The following BDP1 variants were observed in gnomAD, a reference collection of about 807,000 sequenced individuals.
BDP1 encodes the protein transcription factor TFIIIB component B'' homolog.
BDP1 carries 169 observed loss-of-function variants against 266.6 expected under a neutral mutation model. The observed-to-expected ratio is 0.63, with a 90% CI of 0.56 to 0.72. The LOEUF (loss-of-function observed/expected upper bound fraction) is 0.72, where lower values mean the gene tolerates loss of function less well. BDP1 is among the 30% of genes least tolerant of loss of function. The pLI, the probability that BDP1 is intolerant of heterozygous loss-of-function variation, is 0.00. For synonymous variants in BDP1, 1,090 were observed against 1,022.4 expected (o/e 1.07, Z -1.26); for missense variants, 3,015 against 3,053.8 (o/e 0.99, Z 0.30).
rs1455859529 is a variant in BDP1 at position 71,536,673 on chromosome 5, T to C, written c.5893-2369T>C. On this transcript the variant is annotated intron_variant, in intron 26 of 38. Transcript: ENST00000358731. Reference sequence around the variant, plus strand: ...AGACTCTGTCTCTACAAATATGTTTTTTAAAAGTTGGCCAGTCATGGTGGC... The same window carrying C: ...AGACTCTGTCTCTACAAATATGTTTCTTAAAAGTTGGCCAGTCATGGTGGC... Among the ~76,000 whole-genome samples the C allele has an allele frequency of 2.6e-5, 4 of 152,068 alleles. No homozygotes were observed. In the East Asian group the frequency reaches 5.8e-4, roughly 22 times the overall value.
At chr5:71,517,037 T>C (rs1765259665) in intron 21 of BDP1, among the ~76,000 whole-genome samples, 1 of 152,318 alleles carries the variant, frequency 6.6e-6, no homozygotes, top group Admixed American at 6.5e-5. Flanking sequence ...GGCAACAGAA[T>C]GTGAACATTA....
At chr5:71,462,287 G>A (rs1031132247) in intron 3 of BDP1, among the ~76,000 whole-genome samples, 1 of 152,032 alleles carries the variant, frequency 6.6e-6, no homozygotes, top group Non-Finnish European at 1.5e-5. Flanking sequence ...ATTTGGGTAT[G>A]TAGTTATATA....
intron 9 of BDP1, among the ~76,000 whole-genome samples, chr5:71,488,431 CTT>C (rs536505055): frequency 1.5e-5 from 2 of 131,362 alleles, no homozygotes; most frequent in Admixed American, 7.7e-5. Flanking sequence ...CCAGCCAGAA[CTT>C]TTTTTTTTTT....
intron 36 of BDP1, among the ~76,000 whole-genome samples, chr5:71,557,923 T>C (rs1214388555): frequency 6.6e-6 from 1 of 152,232 alleles, no homozygotes; most frequent in Non-Finnish European, 1.5e-5. Context: ...CTATGGAAGC[T>C]GAAAAGATCT....
rs1233456883 is a variant in BDP1, at chr5:71,541,582, C to T, written c.6151C>T (p.Pro2051Ser). 6.2e-7 allele frequency: 1 copy of T among 1,612,298 alleles called. No individual in the cohort carries two copies. The highest frequency in any genetic ancestry group is 8.5e-7 in the Non-Finnish European group (1 of 1,179,060). The change falls in exon 29 of 39, where the codon CCT becomes TCT. Residue 2051 changes from proline to serine, a missense_variant. Pro to Ser is a moderately conservative substitution (Grantham distance 74). Transcript: ENST00000358731. ...ELSSPVITTS[P>S]ASFEENKIVL... Reference sequence around the variant, plus strand: ...TTCTTCACCTGTCATTACTACATCTCCTGCATCATTTGAAGAAAACAAGAT... The same window carrying T: ...TTCTTCACCTGTCATTACTACATCTTCTGCATCATTTGAAGAAAACAAGAT...
intron 13 of BDP1, among the ~76,000 whole-genome samples, chr5:71,500,964 G>A (rs1194849278): frequency 6.6e-6 from 1 of 151,926 alleles, no homozygotes; most frequent in Non-Finnish European, 1.5e-5. Flanking sequence ...GCTGGGCATA[G>A]TGTGCACCTG....
rs1764973428 is a variant in BDP1, at chr5:71,512,335, A to G, written c.4154A>G (p.Lys1385Arg). 6.2e-7 allele frequency: 1 copy of G among 1,600,888 alleles called. No individual in the cohort carries two copies. Among genetic ancestry groups the G allele is most frequent in the Non-Finnish European group, 8.5e-7 (1 of 1,176,376 alleles). The change falls in exon 18 of 39, where the codon AAG becomes AGG. Residue 1385 changes from lysine (K) to arginine (R), a missense_variant. This residue lies in a region of BDP1 where 2,383 missense variants were observed against 2,404.9 expected (regional missense o/e 0.99). Coordinates refer to ENST00000358731, the MANE Select transcript of BDP1 (RefSeq NM_018429.3). ...GTATCAAGTCACTTCAGTCATTTCAAGATTTCTTCACAGACTCATGAATCT... is the reference window on the plus strand; with the variant it reads ...GTATCAAGTCACTTCAGTCATTTCAGGATTTCTTCACAGACTCATGAATCT... ...KEVSSHFSHF[K>R]ISSQTHESDK...
At chr5:71,459,092 G>T (rs1761379249) in intron 2 of BDP1, among the ~76,000 whole-genome samples, 1 of 152,134 alleles carries the variant, frequency 6.6e-6, no homozygotes, top group Admixed American at 6.5e-5. Flanking sequence ...TTTTGGTGAA[G>T]ACCACAAATA....
intron 32 of BDP1, among the ~76,000 whole-genome samples, chr5:71,546,017 A>G (rs1189946200): frequency 6.6e-6 from 1 of 152,008 alleles, no homozygotes; most frequent in Non-Finnish European, 1.5e-5. Flanking sequence ...CCAGTATGAA[A>G]CAGCATGTAA....
rs1284919050 is a variant in BDP1, at chr5:71,567,320, C to T, written c.*2435C>T. On this transcript the variant is annotated 3_prime_UTR_variant, in exon 39 of 39. Coordinates refer to ENST00000358731, the MANE Select transcript of BDP1 (RefSeq NM_018429.3). ...GTTTTATGGAAAATGGAATTTCTTA[C>T]TATATAAAGAATACAGAGACTCATT... is the stretch of plus-strand genomic sequence containing the variant. 1 of 152,160 alleles carries T rather than the reference C, an allele frequency of 6.6e-6. No individual in the cohort carries two copies. The highest frequency in any genetic ancestry group is 1.9e-4 in the East Asian group (1 of 5,168). 9.4% of individuals were successfully genotyped at this position (152,160 alleles called of 1,614,324 possible). A position where few individuals can be genotyped will look rare whatever the true frequency, so the allele number is the denominator to read the frequency against.
chr5:71,565,018 C>G lies in BDP1; in HGVS notation c.*133C>G. Reference sequence around the variant, plus strand: ...AGGTTGATTTTGAATACTTAATGAGCTTGATTTGAAGCTTTTATAATCAGT... The same window carrying G: ...AGGTTGATTTTGAATACTTAATGAGGTTGATTTGAAGCTTTTATAATCAGT... On this transcript the variant is annotated 3_prime_UTR_variant, in exon 39 of 39. Transcript: ENST00000358731. The G allele has an allele frequency of 1.3e-6, 1 of 789,736 alleles. No homozygotes were observed. Among genetic ancestry groups the G allele is most frequent in the Non-Finnish European group, 1.9e-6 (1 of 513,946 alleles). The allele number at this position is 789,736 out of a possible 1,614,324, so 48.9% of individuals were successfully genotyped here.
chr5:71,553,579 A>G (rs1446033115), intron 35 of BDP1, among the ~76,000 whole-genome samples: 2 of 152,182 alleles, frequency 1.3e-5, no homozygotes, highest in Admixed American at 6.5e-5. Context: ...AATAAGACCA[A>G]AAGCATTATA....
In BDP1 at chr5:71,458,799, A is replaced by G. The variant is rs200048827; in HGVS notation, c.433A>G (p.Ile145Val). The G allele has an allele frequency of 7.4e-6, 12 of 1,614,026 alleles. No individual in the cohort carries two copies. Among genetic ancestry groups the G allele is most frequent in the African/African-American group, 6.7e-5 (5 of 74,940 alleles). ...ACAGCCATGCTCAGACAGATACCGA[A>G]TATACAAAGCCCAGAAACTGAGGGA... ...EKQPCSDRYR[I>V]YKAQKLREML... is the part of the protein sequence containing the mutation. Residue 145 changes from isoleucine (I) to valine (V), a missense_variant, in exon 2 of 39, where the codon ATA becomes GTA. Coordinates refer to ENST00000358731, the MANE Select transcript of BDP1 (RefSeq NM_018429.3).
intron 38 of BDP1, chr5:71,562,905 G>A: frequency 7.8e-7 from 1 of 1,280,244 alleles, no homozygotes; most frequent in South Asian, 1.3e-5. Flanking sequence ...GGCAAGTATT[G>A]GGATGGAAAA....
rs560394 is a variant in BDP1 at position 71,502,455 on chromosome 5, C to T, written c.2049-144C>T. 329,318 of 699,462 alleles carry T rather than the reference C, an allele frequency of 0.47. 78,986 individuals carry two copies. The highest frequency in any genetic ancestry group is 0.55 in the South Asian group (22,981 of 42,008). The allele number at this position is 699,462 out of a possible 1,614,324, so 43.3% of individuals were successfully genotyped here. On this transcript the variant is annotated intron_variant, in intron 14 of 38. Transcript: ENST00000358731. ...TCCCAAAGTGCTGGGATTACAGGTG[C>T]GAGCCACTGCGCCCGGGCGGATTAT...
chr5:71,484,946 C>T (rs145425863), intron 8 of BDP1, among the ~76,000 whole-genome samples: 3 of 151,976 alleles, frequency 2.0e-5, no homozygotes, highest in Admixed American at 1.3e-4. Flanking sequence ...AGTGTTTTAT[C>T]GGGTCTTTAG....
intron 6 of BDP1, among the ~76,000 whole-genome samples, chr5:71,468,392 C>T (rs918538011): frequency 2.0e-5 from 3 of 151,810 alleles, no homozygotes; most frequent in Non-Finnish European, 4.4e-5. Flanking sequence ...TAGGCTCAAG[C>T]GATCCTTTGC....
chr5:71,509,790 A>G lies in BDP1; in HGVS notation c.2698A>G (p.Thr900Ala). 1 of 1,614,198 alleles carries G rather than the reference A, an allele frequency of 6.2e-7. No individual in the cohort carries two copies. ...DVIDDTIEME[T>A]GLKAMGREIC... The stretch of plus-strand genomic sequence containing the variant: ...GATTGATGACACCATAGAAATGGAG[A>G]CAGGTCTGAAAGCAATGGGAAGAGA... The change falls in exon 17 of 39, where the codon ACA (threonine) becomes GCA (alanine). Residue 900 changes from threonine (T) to alanine (A), a missense_variant. Coordinates refer to ENST00000358731, the MANE Select transcript of BDP1 (RefSeq NM_018429.3).
chr5:71,548,226 T>C (rs1561778305), intron 32 of BDP1, among the ~76,000 whole-genome samples: 1 of 151,646 alleles, frequency 6.6e-6, no homozygotes, highest in Non-Finnish European at 1.5e-5. Context: ...GAGGCGGAGG[T>C]TGTGGTGAGC....
Sources: gnomAD v4.1 joint callset for allele counts (sites outside exome capture counted in the v4.1 genomes callset) on GRCh38, gnomAD v4.1.1 for gene constraint, gnomAD v4.1.1 regional missense constraint, MANE v1.5 for transcripts, NCBI Gene and HGNC (gene_info 2026-07-23, HGNC 2026-07-21) for gene names.